The following SNX29 variants were observed in gnomAD, a reference collection of about 807,000 sequenced individuals.
The protein encoded by SNX29 is sorting nexin-29.
SNX29 carries 78 observed loss-of-function variants against 102.1 expected under a neutral mutation model. The observed-to-expected ratio is 0.76, with a 90% confidence interval of 0.64 to 0.92. The LOEUF is 0.92. Ranked by LOEUF, SNX29 falls within the 40% of genes least tolerant of loss-of-function variation. The pLI, the probability that SNX29 is intolerant of heterozygous loss-of-function variation, is 0.00. For synonymous variants in SNX29, 580 were observed against 414.5 expected (o/e 1.40, Z -4.85); for missense variants, 1,280 against 1,061.7 (o/e 1.21, Z -2.86).
intron 1 of SNX29, among the ~76,000 whole-genome samples, chr16:11,984,739 C>G (rs2055542245): frequency 1.3e-5 from 2 of 152,090 alleles, no homozygotes; most frequent in Admixed American, 1.3e-4. Context: ...TCACTGCAGC[C>G]TTGATCTCCT....
In SNX29 at chr16:12,160,227, C is replaced by T. The variant is rs921201242; in HGVS notation, c.1595+30469C>T. Among the ~76,000 whole-genome samples, 6 of 152,200 alleles carry T rather than the reference C, an allele frequency of 3.9e-5. No individual in the cohort carries two copies. In the East Asian group the frequency reaches 1.2e-3, roughly 29 times the overall value. ...CTGGACCCCACGAACTGCCTCCACT[C>T]CACTTTCTGACTGTATTCATGTTGC... On this transcript the variant is annotated intron_variant, in intron 13 of 20. Coordinates refer to ENST00000566228, the MANE Select transcript of SNX29 (RefSeq NM_032167.5).
chr16:12,257,395 C>T (rs980290521), intron 14 of SNX29, among the ~76,000 whole-genome samples: 1 of 152,152 alleles, frequency 6.6e-6, no homozygotes, highest in African/African-American at 2.4e-5. Context: ...ATCTCAAGGT[C>T]TGTAACTCTA....
At chr16:12,538,584 G>A (rs2077182424) in intron 20 of SNX29, among the ~76,000 whole-genome samples, 1 of 152,156 alleles carries the variant, frequency 6.6e-6, no homozygotes, top group Non-Finnish European at 1.5e-5. Context: ...TGGCTTCTGT[G>A]TCTGGGAATC....
chr16:12,274,449 A>G (rs1056491467), intron 14 of SNX29, among the ~76,000 whole-genome samples: 1 of 151,642 alleles, frequency 6.6e-6, no homozygotes, highest in African/African-American at 2.4e-5. Context: ...GCTCTGAATT[A>G]TATCTTTGAT....
At chr16:12,558,593 C>T (rs1421946545) in intron 20 of SNX29, among the ~76,000 whole-genome samples, 1 of 152,192 alleles carries the variant, frequency 6.6e-6, no homozygotes, top group African/African-American at 2.4e-5. Flanking sequence ...ACCTGTCACT[C>T]TCTGCCACAG....
chr16:12,538,892 GATTA>G, intron 20 of SNX29, among the ~76,000 whole-genome samples: 1 of 144,722 alleles, frequency 6.9e-6, no homozygotes, highest in Non-Finnish European at 1.5e-5. Flanking sequence ...CACTTGCACA[GATTA>G]ATGACCTGTT....
intron 20 of SNX29, among the ~76,000 whole-genome samples, chr16:12,550,012 G>C (rs775597773): frequency 6.6e-6 from 1 of 152,226 alleles, no homozygotes; most frequent in Admixed American, 6.5e-5. Flanking sequence ...TAAGGGCAAA[G>C]TTGAGTTGTA....
intron 15 of SNX29, among the ~76,000 whole-genome samples, chr16:12,310,190 C>G (rs528674142): frequency 2.6e-5 from 4 of 152,346 alleles, no homozygotes; most frequent in African/African-American, 9.6e-5. Flanking sequence ...CTAAAGTTCT[C>G]TCATGTCAGA....
chr16:12,567,787 AACC>A (rs1198025246), intron 20 of SNX29, among the ~76,000 whole-genome samples: 11 of 152,168 alleles, frequency 7.2e-5, no homozygotes, highest in Non-Finnish European at 1.3e-4. Context: ...GAAAAAATGC[AACC>A]ACATCACAGG....
chr16:12,308,790 A>G (rs1185339824), intron 15 of SNX29, among the ~76,000 whole-genome samples: 1 of 152,120 alleles, frequency 6.6e-6, no homozygotes, highest in Non-Finnish European at 1.5e-5. Flanking sequence ...GTAAGGATTT[A>G]TTTATCTAAT....
chr16:12,432,763 C>T (rs1472240895), intron 18 of SNX29, among the ~76,000 whole-genome samples: 3 of 152,222 alleles, frequency 2.0e-5, no homozygotes, highest in East Asian at 1.9e-4. Context: ...AGAGGAGAGG[C>T]GCTCATTCTG....
chr16:12,063,374 T>A (rs1184390917), intron 9 of SNX29, among the ~76,000 whole-genome samples: 1 of 111,812 alleles, frequency 8.9e-6, no homozygotes, highest in African/African-American at 3.4e-5. Flanking sequence ...ATCTTTTTTT[T>A]TTTTTTTTTT....
chr16:12,339,366 G>T lies in SNX29; in HGVS notation c.1783-16797G>T, dbSNP rs566388384. 1.4e-4 allele frequency among the ~76,000 whole-genome samples: 9 copies of T among 65,102 alleles called. No individual in the cohort carries two copies. The East Asian group carries it at 1.7e-3, about 13-fold the overall frequency. The allele number at this position is 65,102 out of a possible 152,430, so 42.7% of individuals were successfully genotyped here. On this transcript the variant is annotated intron_variant, in intron 15 of 20. Transcript: ENST00000566228. ...AGCCTGGGCGACAGAGTGAGATTCT[G>T]TCTCAAAAAAAAAAAAAAAAAAAAA...
At chr16:12,470,474 G>T (rs929227616) in intron 18 of SNX29, among the ~76,000 whole-genome samples, 3 of 152,182 alleles carry the variant, frequency 2.0e-5, no homozygotes, top group Admixed American at 2.0e-4. Context: ...GGCTTGCGTG[G>T]CAGGGACTGG....
In SNX29 at chr16:12,568,556, C is replaced by A. The variant is rs1240725991; in HGVS notation, c.2369C>A (p.Ser790Tyr). The A allele has an allele frequency of 2.5e-6, 4 of 1,609,426 alleles. No homozygotes were observed. The highest frequency in any genetic ancestry group is 1.1e-5 in the South Asian group (1 of 91,080). Residue 790 changes from serine (S) to tyrosine (Y), a missense_variant, in exon 21 of 21, where the codon TCC becomes TAC. Physicochemically the swap from Ser to Tyr is moderately radical, Grantham distance 144. Transcript: ENST00000566228. ...GTGAACAGCCGGCCCAAAGCAGCTT[C>A]CCGCTTCCCCAAACTGTCCCGGGGT... Reference protein sequence around the residue: ...EPVNSRPKAASRFPKLSRGQP... With the variant: ...EPVNSRPKAAYRFPKLSRGQP...
At chr16:12,119,858 C>T (rs576795124) in intron 11 of SNX29, among the ~76,000 whole-genome samples, 1 of 152,240 alleles carries the variant, frequency 6.6e-6, no homozygotes, top group Non-Finnish European at 1.5e-5. Flanking sequence ...ATCATGCTTG[C>T]TTCTCAGAAA....
At chr16:12,148,420 A>G (rs1449930863) in intron 13 of SNX29, among the ~76,000 whole-genome samples, 3 of 151,704 alleles carry the variant, frequency 2.0e-5, no homozygotes, top group Non-Finnish European at 4.4e-5. Flanking sequence ...CTCTTTCTGT[A>G]TCTGGCAAGG....
At chr16:12,552,557 C>G (rs755330246) in intron 20 of SNX29, among the ~76,000 whole-genome samples, 2 of 152,190 alleles carry the variant, frequency 1.3e-5, no homozygotes, top group African/African-American at 4.8e-5. Context: ...CACTGGCACA[C>G]AGGCCAGCCA....
chr16:12,562,033 T>G (rs1318582324), intron 20 of SNX29, among the ~76,000 whole-genome samples: 1 of 152,070 alleles, frequency 6.6e-6, no homozygotes, highest in Admixed American at 6.6e-5. Context: ...CTCATGGATT[T>G]AGGGATGGAA....
Sources: gnomAD v4.1 joint callset for allele counts (sites outside exome capture counted in the v4.1 genomes callset) on GRCh38, gnomAD v4.1.1 for gene constraint, MANE v1.5 for transcripts, NCBI Gene and HGNC (gene_info 2026-07-23, HGNC 2026-07-21) for gene names.